The following ZNF578 variants were observed in gnomAD, a reference collection of about 807,000 sequenced individuals.
ZNF578 encodes the protein Putative chemokine-related protein B42.
A neutral mutation model predicts 8.3 loss-of-function variants in ZNF578; 8 were observed. The ratio of observed to expected loss-of-function variants is 0.96; its 90% CI spans 0.56 to 1.74. The LOEUF (loss-of-function observed/expected upper bound fraction) is 1.74. ZNF578 is among the 40% of genes most tolerant of loss of function. The probability of loss-of-function intolerance (pLI) is 0.00; values close to 1 mark genes in which losing one functional copy is unlikely to be tolerated. For missense variants in ZNF578, 726 were observed against 707.5 expected, an observed-to-expected ratio of 1.03 and a Z score of -0.30; for synonymous variants, 206 against 232.2, an observed-to-expected ratio of 0.89 and a Z score of 1.03.
rs1015326084 is a variant in ZNF578 at position 52,514,312 on chromosome 19, C to T, written c.*2158C>T. Among the ~76,000 whole-genome samples the T allele has an allele frequency of 5.3e-5, 8 of 152,224 alleles. No individual in the cohort carries two copies. Among genetic ancestry groups the T allele is most frequent in the East Asian group, 1.9e-4 (1 of 5,182 alleles). On this transcript the variant is annotated 3_prime_UTR_variant, in exon 6 of 6. Transcript: ENST00000421239. ...ACCCCAAAATTCGTGAGATTTTTTT[C>T]CTACAACAATTTCAAAAGAGTTGCT...
At chr19:52,462,633 A>G (rs1396171309) in intron 2 of ZNF578, among the ~76,000 whole-genome samples, 1 of 152,186 alleles carries the variant, frequency 6.6e-6, no homozygotes, top group African/African-American at 2.4e-5. Context: ...TTCTTCTGCA[A>G]GCTGGGTCAG....
At chr19:52,458,325 ACTT>A (rs1469784545) in intron 2 of ZNF578, 6 of 151,676 alleles carry the variant, frequency 4.0e-5, no homozygotes, top group Non-Finnish European at 8.8e-5. Flanking sequence ...CTTGGGTAAT[ACTT>A]CTTCTAGGAT....
intron 2 of ZNF578, among the ~76,000 whole-genome samples, chr19:52,482,942 CAAA>C (rs35843945): frequency 3.6e-5 from 2 of 55,420 alleles, no homozygotes; most frequent in African/African-American, 6.3e-5. Context: ...CTCTGTCTCC[CAAA>C]AAAAAAAAAA....
chr19:52,511,097 C>T lies in ZNF578; in HGVS notation c.716C>T (p.Ala239Val), dbSNP rs779084088. 6.2e-7 allele frequency: 1 copy of T among 1,614,108 alleles called. No homozygotes were observed. Among genetic ancestry groups the T allele is most frequent in the South Asian group, 1.1e-5 (1 of 91,076 alleles). The change falls in exon 6 of 6, where the codon GCC (alanine) becomes GTC (valine). Residue 239 changes from alanine to valine, a missense_variant. Transcript: ENST00000421239. ...TTCCAATGTAATGAGACTGGCGAAG[C>T]CTTTAATTGTAGCTCATTTGTAAGG... ...KSFQCNETGE[A>V]FNCSSFVRKH... is the part of the protein sequence containing the mutation.
At chr19:52,501,250 C>T (rs2059406098) in intron 3 of ZNF578, among the ~76,000 whole-genome samples, 3 of 152,198 alleles carry the variant, frequency 2.0e-5, no homozygotes, top group Admixed American at 2.0e-4. Context: ...AAGCGGAGGG[C>T]AGAGCCAGAA....
chr19:52,485,463 G>T (rs1178809650), intron 2 of ZNF578, among the ~76,000 whole-genome samples: 1 of 152,224 alleles, frequency 6.6e-6, no homozygotes. Flanking sequence ...GCAGCATTGA[G>T]CATCGAAGCT....
chr19:52,474,432 C>T (rs2059301716), intron 2 of ZNF578: 1 of 277,656 alleles, frequency 3.6e-6, no homozygotes, highest in African/African-American at 2.3e-5. Context: ...AGAAATAACT[C>T]AGTCTCGGGC....
intron 2 of ZNF578, among the ~76,000 whole-genome samples, chr19:52,472,207 A>T (rs929332263): frequency 1.3e-5 from 2 of 152,226 alleles, no homozygotes; most frequent in Admixed American, 1.3e-4. Flanking sequence ...CCTGCCCAAC[A>T]TGGTGAGAAC....
intron 5 of ZNF578, among the ~76,000 whole-genome samples, chr19:52,508,101 C>A (rs1397488521): frequency 6.6e-6 from 1 of 151,872 alleles, no homozygotes; most frequent in East Asian, 1.9e-4. Context: ...AATCCCAGCA[C>A]TTTGGGAGGC....
chr19:52,512,334 G>A lies in ZNF578; in HGVS notation c.*180G>A, dbSNP rs1175162113. 2.6e-6 allele frequency: 4 copies of A among 1,530,972 alleles called. No individual in the cohort carries two copies. Among genetic ancestry groups the A allele is most frequent in the South Asian group, 2.2e-5 (2 of 89,180 alleles). 94.8% of individuals were successfully genotyped at this position (1,530,972 alleles called of 1,614,324 possible). A position where few individuals can be genotyped will look rare whatever the true frequency, so the allele number is the denominator to read the frequency against. On this transcript the variant is annotated 3_prime_UTR_variant, in exon 6 of 6. Coordinates refer to ENST00000421239, the MANE Select transcript of ZNF578 (RefSeq NM_001099694.2). ...ACCATCAGGCCATTCATGGTGTAGGGAAACTTGACTAATGTAATGATTGTC... is the reference window on the plus strand; with the variant it reads ...ACCATCAGGCCATTCATGGTGTAGGAAAACTTGACTAATGTAATGATTGTC...
chr19:52,472,193 C>A (rs1378965996), intron 2 of ZNF578, among the ~76,000 whole-genome samples: 1 of 152,138 alleles, frequency 6.6e-6, no homozygotes, highest in Non-Finnish European at 1.5e-5. Flanking sequence ...GAGTTCGAGA[C>A]CAGCCTGCCC....
At position 52,512,091 on chromosome 19, in the gene ZNF578, T is replaced by C. The variant is rs764857411; in HGVS notation, c.1710T>C (p.Asn570=). 3 of 1,613,636 alleles carry C rather than the reference T, an allele frequency of 1.9e-6. No individual in the cohort carries two copies. Among genetic ancestry groups the C allele is most frequent in the Admixed American group, 1.7e-5 (1 of 59,980 alleles). Residue 570 remains asparagine (N), a synonymous_variant, in exon 6 of 6, where the codon AAT becomes AAC. Coordinates refer to ENST00000421239, the MANE Select transcript of ZNF578 (RefSeq NM_001099694.2). ...GCGGAGAGAAACCTTACAAGTGTAA[T>C]GAGTGTGGTAAGGCTCACAATCACT... ...IHSGEKPYKC[N]ECGKAHNHLI...
intron 2 of ZNF578, chr19:52,474,904 C>A: frequency 4.8e-6 from 1 of 206,300 alleles, no homozygotes; most frequent in South Asian, 8.1e-5. Context: ...GGTTTCTGTC[C>A]TGTATTCACT....
chr19:52,494,821 A>G (rs1432381272), intron 3 of ZNF578, among the ~76,000 whole-genome samples: 1 of 152,012 alleles, frequency 6.6e-6, no homozygotes, highest in Non-Finnish European at 1.5e-5. Flanking sequence ...GTTATTATGT[A>G]ATACTTTTAA....
At chr19:52,493,511 A>G (rs1308848923) in intron 3 of ZNF578, among the ~76,000 whole-genome samples, 6 of 152,124 alleles carry the variant, frequency 3.9e-5, no homozygotes, top group Admixed American at 3.9e-4. Context: ...TGCTGGTGGC[A>G]AGGAGAACCG....
intron 2 of ZNF578, among the ~76,000 whole-genome samples, chr19:52,485,971 T>A (rs973165469): frequency 2.0e-5 from 3 of 151,958 alleles, no homozygotes; most frequent in African/African-American, 7.3e-5. Context: ...GTCTGTGCTG[T>A]GGAGGATTAG....
chr19:52,487,443 T>C (rs1435575681), intron 2 of ZNF578, among the ~76,000 whole-genome samples: 2 of 152,122 alleles, frequency 1.3e-5, no homozygotes, highest in African/African-American at 2.4e-5. Flanking sequence ...AATTTTAAAA[T>C]TGGTGTCTAT....
intron 2 of ZNF578, among the ~76,000 whole-genome samples, chr19:52,479,563 GGAAAAA>G (rs1257295471): frequency 1.4e-5 from 2 of 138,436 alleles, no homozygotes; most frequent in Non-Finnish European, 3.1e-5. Context: ...AAAAAAAAAA[GGAAAAA>G]AGAAACTTCT....
At chr19:52,509,883 C>CTT (rs1237781555) in intron 5 of ZNF578, among the ~76,000 whole-genome samples, 1 of 146,156 alleles carries the variant, frequency 6.8e-6, no homozygotes, top group South Asian at 2.2e-4. Flanking sequence ...CTTTTTTTTC[C>CTT]TTTTTTTTTT....
Sources: gnomAD v4.1 joint callset for allele counts (sites outside exome capture counted in the v4.1 genomes callset) on GRCh38, gnomAD v4.1.1 for gene constraint, MANE v1.5 for transcripts, NCBI Gene and HGNC (gene_info 2026-07-23, HGNC 2026-07-21) for gene names.